CRB1: variants seen among roughly 807,000 people sequenced by gnomAD.
The protein encoded by CRB1 is crumbs cell polarity complex component 1.
A neutral mutation model predicts 120.0 loss-of-function variants in CRB1; 83 were observed. That is an observed-to-expected ratio of 0.69 (90% CI 0.58 to 0.83). CRB1 has a LOEUF of 0.83. CRB1 is among the 40% of genes least tolerant of loss of function. CRB1 has a pLI of 0.00. For missense variants in CRB1, 1,699 were observed against 1,687.6 expected (o/e 1.01, Z -0.12); for synonymous variants, 625 against 612.5 (o/e 1.02, Z -0.30).
chr1:197,432,765 G>T (rs951763339), intron 8 of CRB1, among the ~76,000 whole-genome samples: 2 of 152,124 alleles, frequency 1.3e-5, no homozygotes, highest in Non-Finnish European at 2.9e-5. Flanking sequence ...GACAGTGAAT[G>T]CAGGGAGGCG....
At chr1:197,283,312 G>T (rs968980749) in intron 1 of CRB1, among the ~76,000 whole-genome samples, 1 of 151,422 alleles carries the variant, frequency 6.6e-6, no homozygotes, top group Admixed American at 6.6e-5. Flanking sequence ...TTCTTTAGTG[G>T]TGATTGTGAG....
At chr1:197,238,828 G>A in the CRB1 span, among the ~76,000 whole-genome samples, 11 of 151,700 alleles carry the variant, frequency 7.3e-5, no homozygotes, top group South Asian at 2.3e-3. Context: ...TGGGCAACAA[G>A]AGCGAAACTC....
At chr1:197,296,414 C>G (rs1387215082) in intron 1 of CRB1, among the ~76,000 whole-genome samples, 1 of 151,920 alleles carries the variant, frequency 6.6e-6, no homozygotes, top group Non-Finnish European at 1.5e-5. Flanking sequence ...ATATAGTAAA[C>G]AGTACATTTA....
intron 11 of CRB1, among the ~76,000 whole-genome samples, chr1:197,468,866 T>C (rs1666860568): frequency 6.6e-6 from 1 of 152,114 alleles, no homozygotes; most frequent in African/African-American, 2.4e-5. Flanking sequence ...AATTATCTTT[T>C]AAAAAGAGGA....
At chr1:197,461,160 G>C (rs1227426117) in intron 11 of CRB1, among the ~76,000 whole-genome samples, 1 of 152,082 alleles carries the variant, frequency 6.6e-6, no homozygotes, top group Non-Finnish European at 1.5e-5. Flanking sequence ...TCAAATTATA[G>C]ATACCAATGT....
chr1:197,429,606 G>T lies in CRB1; in HGVS notation c.2834G>T (p.Gly945Val), dbSNP rs762685645. 2.5e-6 allele frequency: 4 copies of T among 1,613,914 alleles called. No individual in the cohort carries two copies. Among genetic ancestry groups the T allele is most frequent in the Non-Finnish European group, 3.4e-6 (4 of 1,179,912 alleles). Residue 945 changes from glycine (G) to valine (V), a missense_variant, in exon 8 of 12, where the codon GGA becomes GTA. Transcript: ENST00000367400. ...HGAQCQPVLQ[G>V]FECIANAVFN... The stretch of plus-strand genomic sequence containing the variant: ...GCCCAGTGCCAGCCGGTGCTTCAAG[G>T]ATTTGAATGTAGGTAGAGTTCAAAC...
chr1:197,461,808 A>G (rs1666544681), intron 11 of CRB1, among the ~76,000 whole-genome samples: 1 of 152,160 alleles, frequency 6.6e-6, no homozygotes, highest in African/African-American at 2.4e-5. Context: ...CTCATCATTT[A>G]TGTCCAGGAG....
intron 6 of CRB1, among the ~76,000 whole-genome samples, chr1:197,426,513 G>A (rs1664589130): frequency 6.6e-6 from 1 of 152,068 alleles, no homozygotes. Flanking sequence ...TGATGAGGAT[G>A]GGAAGTTTTC....
chr1:197,268,968 G>A (rs1267858963), intron 1 of CRB1, among the ~76,000 whole-genome samples: 2 of 152,094 alleles, frequency 1.3e-5, no homozygotes, highest in Non-Finnish European at 1.5e-5. Flanking sequence ...AGAGGATAAT[G>A]GTTCAAAGTG....
chr1:197,418,888 C>T (rs1018628028), intron 5 of CRB1, among the ~76,000 whole-genome samples: 2 of 152,164 alleles, frequency 1.3e-5, no homozygotes, highest in African/African-American at 4.8e-5. Context: ...GTAAATTTCT[C>T]ATATAAAATT....
At chr1:197,380,419 C>G (rs534216807) in intron 5 of CRB1, among the ~76,000 whole-genome samples, 5 of 152,102 alleles carry the variant, frequency 3.3e-5, no homozygotes, top group African/African-American at 9.7e-5. Context: ...AGCGGCCATC[C>G]AGCTGTGGTC....
intron 2 of CRB1, among the ~76,000 whole-genome samples, chr1:197,339,061 A>G (rs1659314489): frequency 6.6e-6 from 1 of 152,234 alleles, no homozygotes; most frequent in Non-Finnish European, 1.5e-5. Flanking sequence ...ATGATTCAAA[A>G]AGAGAATTTT....
intron 5 of CRB1, chr1:197,360,270 C>G (rs754747289): frequency 6.6e-6 from 1 of 152,226 alleles, no homozygotes; most frequent in Non-Finnish European, 1.5e-5. Flanking sequence ...TGTACTCCCT[C>G]GTTCTGCTTA....
chr1:197,329,916 C>A (rs1410116124), intron 2 of CRB1, among the ~76,000 whole-genome samples: 1 of 152,152 alleles, frequency 6.6e-6, no homozygotes, highest in Non-Finnish European at 1.5e-5. Context: ...CGTTTTTGTA[C>A]CTTCCTGAAA....
chr1:197,378,638 G>C (rs1309517184), intron 5 of CRB1, among the ~76,000 whole-genome samples: 3 of 152,038 alleles, frequency 2.0e-5, no homozygotes, highest in Non-Finnish European at 4.4e-5. Flanking sequence ...TAAGGAAGAG[G>C]GTCTGAATGA....
rs1664662355 is a variant in CRB1, at chr1:197,427,688, T to C, written c.2363T>C (p.Leu788Pro). The change falls in exon 7 of 12, where the codon CTT becomes CCT. Residue 788 changes from leucine to proline, a missense_variant. Coordinates refer to ENST00000367400, the MANE Select transcript of CRB1 (RefSeq NM_201253.3). ...NSPKLVVKFV[L>P]NDGNVHLISL... ...CCCAAATTAGTAGTAAAATTTGTTC[T>C]TAATGATGGAAATGTCCACTTGATA... 1.2e-6 allele frequency: 2 copies of C among 1,613,946 alleles called. No homozygotes were observed. The highest frequency in any genetic ancestry group is 2.2e-5 in the East Asian group (1 of 44,884).
intron 1 of CRB1, among the ~76,000 whole-genome samples, chr1:197,280,691 G>C (rs1422866082): frequency 6.6e-6 from 1 of 151,724 alleles, no homozygotes; most frequent in African/African-American, 2.4e-5. Context: ...TAATTCTTAG[G>C]GTCAGTTGTA....
chr1:197,417,802 G>T (rs891189613), intron 5 of CRB1, among the ~76,000 whole-genome samples: 5 of 152,144 alleles, frequency 3.3e-5, no homozygotes, highest in African/African-American at 1.2e-4. Flanking sequence ...TCTTCTAGGG[G>T]ACAAAACACA....
chr1:197,282,754 C>T (rs541687822), intron 1 of CRB1, among the ~76,000 whole-genome samples: 9 of 151,826 alleles, frequency 5.9e-5, no homozygotes, highest in Non-Finnish European at 1.0e-4. Context: ...ACTATTATTT[C>T]TCAATTGTTA....
Sources: allele counts gnomAD v4.1 joint callset (sites outside exome capture counted in the v4.1 genomes callset), GRCh38; gene constraint gnomAD v4.1.1; transcripts MANE v1.5; gene names NCBI Gene and HGNC (gene_info 2026-07-23, HGNC 2026-07-21).